ELP1: variants seen among roughly 807,000 people sequenced by gnomAD.
ELP1 encodes the protein elongator complex protein 1.
A neutral mutation model predicts 183.2 loss-of-function variants in ELP1; 131 were observed. That is an observed-to-expected ratio of 0.72 (90% CI 0.62 to 0.83). The LOEUF (loss-of-function observed/expected upper bound fraction) is 0.83, where lower values mean the gene tolerates loss of function less well. ELP1 is among the 40% of genes least tolerant of loss of function. ELP1 has a pLI of 0.00. For synonymous variants in ELP1, 555 were observed against 569.0 expected (o/e 0.98, Z 0.35); for missense variants, 1,550 against 1,594.9 (o/e 0.97, Z 0.48).
At chr9:108,909,886 A>G (rs142589742) in intron 12 of ELP1, among the ~76,000 whole-genome samples, 47 of 152,282 alleles carry the variant, frequency 3.1e-4, no homozygotes, top group Non-Finnish European at 5.4e-4. Context: ...GGAGATAAAA[A>G]CGTCCTAAAA....
chr9:108,897,875 A>G (rs1186345316), intron 22 of ELP1, among the ~76,000 whole-genome samples: 1 of 152,224 alleles, frequency 6.6e-6, no homozygotes, highest in East Asian at 1.9e-4. Context: ...TAAGTGGCAC[A>G]CTTAAGATTT....
In ELP1 at chr9:108,922,874, C is replaced by T. The variant is rs758924768; in HGVS notation, c.520G>A (p.Glu174Lys). ...GRKETQFHGS[E>K]GRQAAFQMQM... is the part of the protein sequence containing the mutation. Reference sequence around the variant, plus strand: ...ATCTGAAAAGCTGCTTGTCTGCCTTCTGATCCATGGAACTGTGTCTCCTTC... The same window carrying T: ...ATCTGAAAAGCTGCTTGTCTGCCTTTTGATCCATGGAACTGTGTCTCCTTC... Residue 174 changes from glutamate to lysine, a missense_variant, in exon 6 of 37, where the codon GAA becomes AAA. By Grantham distance (56) the Glu-to-Lys change is moderately conservative (BLOSUM62 1). Transcript: ENST00000374647. 1.4e-5 allele frequency: 23 copies of T among 1,613,972 alleles called. No homozygotes were observed. Among genetic ancestry groups the T allele is most frequent in the African/African-American group, 2.7e-5 (2 of 74,928 alleles).
intron 10 of ELP1, among the ~76,000 whole-genome samples, chr9:108,915,870 C>T (rs573988474): frequency 3.9e-5 from 6 of 151,940 alleles, no homozygotes; most frequent in Non-Finnish European, 8.8e-5. Context: ...ATACAAAAGG[C>T]TGACTTTTCA....
At chr9:108,877,635 T>C (rs1038576022) in intron 35 of ELP1, among the ~76,000 whole-genome samples, 1 of 152,136 alleles carries the variant, frequency 6.6e-6, no homozygotes, top group Non-Finnish European at 1.5e-5. Context: ...TAAAGCCTGA[T>C]CCCATCCCTG....
intron 19 of ELP1, 114 bp downstream of exon 19, chr9:108,900,146 T>C (rs1036041775): frequency 1.2e-6 from 1 of 852,186 alleles, no homozygotes; most frequent in Admixed American, 2.0e-5. Context: ...AGGAAAGGTT[T>C]ACAATAAACG....
At chr9:108,911,217 G>GAT in intron 11 of ELP1, 37 bp from the exon 12 acceptor site, 1 of 1,596,250 alleles carries the variant, frequency 6.3e-7, no homozygotes, top group Non-Finnish European at 8.6e-7. Flanking sequence ...TAGACCTAGG[G>GAT]ATATTCAATT....
intron 31 of ELP1, among the ~76,000 whole-genome samples, chr9:108,880,385 T>G (rs1056702193): frequency 6.6e-6 from 1 of 151,630 alleles, no homozygotes; most frequent in Admixed American, 6.6e-5. Context: ...GCGCTACCAC[T>G]GAACTTGTAA....
chr9:108,879,581 G>C, intron 32 of ELP1, 24 bp from the exon 33 acceptor site: 2 of 1,535,564 alleles, frequency 1.3e-6, no homozygotes, highest in African/African-American at 1.4e-5. Context: ...ACCAGAAGCC[G>C]ATGAAAACAC....
At chr9:108,897,330 C>T (rs367818667) in intron 22 of ELP1, 45 bp from the exon 23 acceptor site, 16 of 1,609,356 alleles carry the variant, frequency 9.9e-6, no homozygotes, top group Non-Finnish European at 1.4e-5. Flanking sequence ...GAACATGTAG[C>T]CCAGCGATCA....
In ELP1 at chr9:108,931,072, A is replaced by G. The variant is rs2132052925; in HGVS notation, c.75T>C (p.Ser25=). The G allele has an allele frequency of 1.2e-6, 2 of 1,614,086 alleles. No individual in the cohort carries two copies. The highest frequency in any genetic ancestry group is 1.7e-6 in the Non-Finnish European group (2 of 1,179,944). The change falls in exon 2 of 37, where the codon TCT becomes TCC. Residue 25 remains serine, a synonymous_variant. Transcript: ENST00000374647. ...IQGPGNPQCF[S]LRTEQGTVLI... is the part of the protein sequence containing the mutation. ...GCACCGTCCCCTGTTCAGTTCGGAGAGAGAAGCACTGAGGATTCCCTGGAC... is the reference window on the plus strand; with the variant it reads ...GCACCGTCCCCTGTTCAGTTCGGAGGGAGAAGCACTGAGGATTCCCTGGAC...
intron 26 of ELP1, 68 bp downstream of exon 26, chr9:108,893,875 A>G (rs1188178341): frequency 2.6e-6 from 4 of 1,538,076 alleles, no homozygotes; most frequent in Non-Finnish European, 3.6e-6. Flanking sequence ...CTAACAGTTT[A>G]ATTTATACCT....
chr9:108,917,344 G>A (rs1829475918), intron 9 of ELP1, among the ~76,000 whole-genome samples: 1 of 152,056 alleles, frequency 6.6e-6, no homozygotes, highest in Non-Finnish European at 1.5e-5. Context: ...GCGCAAGCCT[G>A]TAATCCCAGC....
At position 108,868,457 on chromosome 9, in the gene ELP1, T is replaced by C. The variant is rs1232325829; in HGVS notation, c.*658A>G. 1 of 342,786 alleles carries C rather than the reference T, an allele frequency of 2.9e-6. No homozygotes were observed. Among genetic ancestry groups the C allele is most frequent in the East Asian group, 4.4e-5 (1 of 22,792 alleles). The allele number at this position is 342,786 out of a possible 1,614,324, so 21.2% of individuals were successfully genotyped here. On this transcript the variant is annotated 3_prime_UTR_variant, in exon 37 of 37. Coordinates refer to ENST00000374647, the MANE Select transcript of ELP1 (RefSeq NM_003640.5). ...CTCACACCAACTGTGCATGATACTG[T>C]TTAGAAATTCTAATCTGTTCTAGCT... is the stretch of plus-strand genomic sequence containing the variant.
Position 108,934,039 on chromosome 9 carries a change from C to T in ELP1, c.-231G>A, listed in dbSNP as rs1176001534. On this transcript the variant is annotated 5_prime_UTR_variant, in exon 1 of 37. Transcript: ENST00000374647. ...CACTAGGCCTCCAAGGATGGAGGCG[C>T]CCTCCAGGGGAAAACGCTGAAGCGC... 1 of 163,710 alleles carries T rather than the reference C, an allele frequency of 6.1e-6. No individual in the cohort carries two copies. The highest frequency in any genetic ancestry group is 1.3e-5 in the Non-Finnish European group (1 of 74,974). 10.1% of individuals were successfully genotyped at this position (163,710 alleles called of 1,614,324 possible). A position where few individuals can be genotyped will look rare whatever the true frequency, so the allele number is the denominator to read the frequency against.
At chr9:108,910,134 T>C (rs967829808) in intron 12 of ELP1, among the ~76,000 whole-genome samples, 1 of 152,226 alleles carries the variant, frequency 6.6e-6, no homozygotes, top group Non-Finnish European at 1.5e-5. Context: ...TGATTCTTTT[T>C]GCCTTGACAA....
At chr9:108,930,251 A>G (rs1420575111) in intron 2 of ELP1, among the ~76,000 whole-genome samples, 6 of 152,230 alleles carry the variant, frequency 3.9e-5, no homozygotes, top group Non-Finnish European at 8.8e-5. Flanking sequence ...TAAAGGATGT[A>G]ACTGCCTAAA....
In ELP1 at chr9:108,902,735, A is replaced by AG. The variant is rs1415965121; in HGVS notation, c.1854+103dup. 3 of 802,522 alleles carry AG rather than the reference A, an allele frequency of 3.7e-6. No homozygotes were observed. The African/African-American group carries it at 5.0e-5, about 13-fold the overall frequency. The allele number at this position is 802,522 out of a possible 1,614,324, so 49.7% of individuals were successfully genotyped here. On this transcript the variant is annotated intron_variant, in intron 16 of 36. Coordinates refer to ENST00000374647, the MANE Select transcript of ELP1 (RefSeq NM_003640.5). ...ATTTCCCACTATTGTCTAGGCATTT[A>AG]GTGGAGACCCAAGTCCACCTCCAAA...
chr9:108,894,031 A>T lies in ELP1; in HGVS notation c.2772T>A (p.Leu924=), dbSNP rs754622407. The T allele has an allele frequency of 6.4e-7, 1 of 1,557,318 alleles. No individual in the cohort carries two copies. The highest frequency in any genetic ancestry group is 1.1e-5 in the South Asian group (1 of 89,732). Residue 924 remains leucine (L), a synonymous_variant, in exon 26 of 37, where the codon CTT becomes CTA. Transcript: ENST00000374647. ...PKEYLPFLNT[L]KKMETNYQRF... is the part of the protein sequence containing the mutation. Reference sequence around the variant, plus strand: ...GCTGATAATTAGTTTCCATTTTCTTAAGTGTATTAAGAAATGGAAGATATT... The same window carrying T: ...GCTGATAATTAGTTTCCATTTTCTTTAGTGTATTAAGAAATGGAAGATATT...
intron 20 of ELP1, 99 bp downstream of exon 20, chr9:108,899,723 T>G (rs1414640652): frequency 1.2e-5 from 12 of 970,672 alleles, no homozygotes; most frequent in Middle Eastern, 2.1e-4. Flanking sequence ...TAATGAGGGC[T>G]TTTCATAATT....
Sources: allele counts gnomAD v4.1 joint callset (sites outside exome capture counted in the v4.1 genomes callset), GRCh38; gene constraint gnomAD v4.1.1; transcripts MANE v1.5; gene names NCBI Gene and HGNC (gene_info 2026-07-23, HGNC 2026-07-21).